MEGF11: variants seen among roughly 807,000 people sequenced by gnomAD.
The protein encoded by MEGF11 is multiple epidermal growth factor-like domains protein 11.
In MEGF11, 126 loss-of-function variants were observed where a neutral mutation model predicts 146.6. That is an observed-to-expected ratio of 0.86 (90% confidence interval 0.74 to 1.00). The LOEUF (loss-of-function observed/expected upper bound fraction) is 1.00. MEGF11 is among the 50% of genes least tolerant of loss of function. MEGF11 has a pLI of 0.00. For synonymous variants in MEGF11, 532 were observed against 583.4 expected (o/e 0.91, Z 1.27); for missense variants, 1,509 against 1,521.2 (o/e 0.99, Z 0.13).
chr15:66,249,121 AC>A (rs898849747), intron 1 of MEGF11, among the ~76,000 whole-genome samples: 1 of 152,232 alleles, frequency 6.6e-6, no homozygotes, highest in Non-Finnish European at 1.5e-5. Flanking sequence ...AGGAAGACAG[AC>A]AGACAGAGTT....
At chr15:65,954,472 T>C (rs1415050099) in intron 10 of MEGF11, among the ~76,000 whole-genome samples, 1 of 152,130 alleles carries the variant, frequency 6.6e-6, no homozygotes, top group Non-Finnish European at 1.5e-5. Flanking sequence ...AACAATGAAC[T>C]GTTCTGTAAT....
chr15:65,986,341 G>A (rs939239269), intron 5 of MEGF11, among the ~76,000 whole-genome samples: 10 of 152,158 alleles, frequency 6.6e-5, no homozygotes, highest in African/African-American at 2.4e-4. Flanking sequence ...ATGAAAAAAA[G>A]CAAAGCAACT....
intron 5 of MEGF11, among the ~76,000 whole-genome samples, chr15:66,045,277 C>T (rs1360699234): frequency 6.6e-6 from 1 of 152,214 alleles, no homozygotes; most frequent in Non-Finnish European, 1.5e-5. Flanking sequence ...TACCTCACTG[C>T]TCTCCTGTGG....
chr15:65,909,847 C>T (rs2078743106), intron 21 of MEGF11, 41 bp from the exon 22 acceptor site: 1 of 1,507,450 alleles, frequency 6.6e-7, no homozygotes, highest in Non-Finnish European at 8.9e-7. Flanking sequence ...TCTAGTGCCC[C>T]AGGTACCCCT....
chr15:66,022,364 G>A (rs2083176243), intron 5 of MEGF11, among the ~76,000 whole-genome samples: 1 of 152,260 alleles, frequency 6.6e-6, no homozygotes, highest in African/African-American at 2.4e-5. Flanking sequence ...AGGCAGCTGT[G>A]CTTTGACCAC....
At chr15:65,935,323 A>AAAG (rs2079736991) in intron 10 of MEGF11, among the ~76,000 whole-genome samples, 1 of 17,278 alleles carries the variant, frequency 5.8e-5, no homozygotes, top group Non-Finnish European at 1.1e-4. Context: ...CCGTCTCAAG[A>AAAG]AAAAAAAAAA....
At chr15:66,065,301 GA>G (rs111808815) in intron 5 of MEGF11, among the ~76,000 whole-genome samples, 4,386 of 133,588 alleles carry the variant, frequency 0.033, 162 homozygotes, top group African/African-American at 0.1. Flanking sequence ...CTATGATGGT[GA>G]AAAAAAAAAA....
At chr15:66,023,576 A>C (rs1426564065) in intron 5 of MEGF11, among the ~76,000 whole-genome samples, 3 of 152,212 alleles carry the variant, frequency 2.0e-5, no homozygotes, top group African/African-American at 7.2e-5. Context: ...TTTTGAATGG[A>C]GACTCTTCTC....
Position 66,100,286 on chromosome 15 carries a change from G to A in MEGF11, c.302-5792C>T, listed in dbSNP as rs118069823. On this transcript the variant is annotated intron_variant, in intron 4 of 25. Transcript: ENST00000395614. ...GCCCTGCCTCCTGGTCTTCTGGGCG[G>A]TGAATCCTCCCCCTACCTGCTCCTG... is the stretch of plus-strand genomic sequence containing the variant. 6.3e-3 allele frequency among the ~76,000 whole-genome samples: 956 copies of A among 152,260 alleles called. 27 individuals are homozygous for A. In the East Asian group the frequency reaches 0.1, roughly 16 times the overall value.
rs552041888 is a variant in MEGF11 at position 66,051,361 on chromosome 15, G to C, written c.394+43041C>G. Among the ~76,000 whole-genome samples the C allele has an allele frequency of 4.6e-5, 7 of 152,118 alleles. No homozygotes were observed. In the South Asian group the frequency reaches 1.3e-3, roughly 27 times the overall value. On this transcript the variant is annotated intron_variant, in intron 5 of 25. Transcript: ENST00000395614. ...AGACAAGCCCATTCAGACTAAAGAG[G>C]CTGGGATGGGAAGCAGGAAAAAAGC...
At chr15:66,016,147 A>G (rs1335513962) in intron 5 of MEGF11, among the ~76,000 whole-genome samples, 2 of 152,100 alleles carry the variant, frequency 1.3e-5, no homozygotes, top group Non-Finnish European at 2.9e-5. Context: ...GGCTTCAGTA[A>G]TCATCACTAT....
At chr15:66,009,241 G>T (rs1384599016) in intron 5 of MEGF11, among the ~76,000 whole-genome samples, 1 of 143,086 alleles carries the variant, frequency 7.0e-6, no homozygotes, top group East Asian at 2.2e-4. Context: ...GTTAACCTAA[G>T]TTTTTTTTTT....
intron 10 of MEGF11, among the ~76,000 whole-genome samples, chr15:65,935,451 C>T (rs560034511): frequency 3.3e-4 from 49 of 149,760 alleles, no homozygotes; most frequent in African/African-American, 4.9e-4. Context: ...TGGGATCTGA[C>T]GCTATCTCCA....
At chr15:66,066,724 C>T (rs1458715198) in intron 5 of MEGF11, among the ~76,000 whole-genome samples, 1 of 152,264 alleles carries the variant, frequency 6.6e-6, no homozygotes, top group Admixed American at 6.5e-5. Flanking sequence ...AGGGCTGAGC[C>T]TGCCTCCTTA....
intron 4 of MEGF11, among the ~76,000 whole-genome samples, chr15:66,111,189 T>C (rs2087381439): frequency 6.6e-6 from 1 of 152,164 alleles, no homozygotes; most frequent in Admixed American, 6.5e-5. Context: ...GAGCAGATGA[T>C]ATACTGCAGG....
rs114118114 is a variant in MEGF11, at chr15:66,101,463, C to T, written c.302-6969G>A. Among the ~76,000 whole-genome samples, 1,335 of 152,220 alleles carry T rather than the reference C, an allele frequency of 8.8e-3. 23 individuals are homozygous for T. Among genetic ancestry groups the T allele is most frequent in the African/African-American group, 0.031 (1,272 of 41,546 alleles). ...TCCTCCAGGAAGCTTCCCCTGACTG[C>T]ACTGCCCACCCACTCCCCACAGGCT... On this transcript the variant is annotated intron_variant, in intron 4 of 25. Transcript: ENST00000395614.
chr15:65,985,152 A>G (rs2081809518), intron 5 of MEGF11, among the ~76,000 whole-genome samples: 1 of 152,212 alleles, frequency 6.6e-6, no homozygotes, highest in Non-Finnish European at 1.5e-5. Context: ...AATCCTCACA[A>G]CAACCATGTA....
chr15:66,178,422 C>T (rs8026425), intron 1 of MEGF11, among the ~76,000 whole-genome samples: 3,945 of 152,260 alleles, frequency 0.026, 161 homozygotes, highest in African/African-American at 0.088. Flanking sequence ...ACTTGCTCTT[C>T]CTATTAATAC....
At chr15:66,090,155 C>T (rs1181782622) in intron 5 of MEGF11, among the ~76,000 whole-genome samples, 1 of 152,170 alleles carries the variant, frequency 6.6e-6, no homozygotes, top group East Asian at 1.9e-4. Flanking sequence ...AAGTCCCCAC[C>T]CAACCCCGGT....
Sources: allele counts gnomAD v4.1 joint callset (sites outside exome capture counted in the v4.1 genomes callset), GRCh38; gene constraint gnomAD v4.1.1; transcripts MANE v1.5; gene names NCBI Gene and HGNC (gene_info 2026-07-23, HGNC 2026-07-21).